Variants in SGMS1 observed in about 807,000 individuals in gnomAD.
SGMS1 encodes the protein phosphatidylcholine:ceramide cholinephosphotransferase 1.
A neutral mutation model predicts 46.2 loss-of-function variants in SGMS1; 13 were observed. The ratio of observed to expected loss-of-function variants is 0.28; its 90% CI spans 0.18 to 0.45. The LOEUF is 0.45. Ranked by LOEUF, SGMS1 falls within the 20% of genes least tolerant of loss-of-function variation. The probability of loss-of-function intolerance (pLI) is 1.00; values close to 1 mark genes in which losing one functional copy is unlikely to be tolerated. For synonymous variants in SGMS1, 203 were observed against 187.8 expected, an observed-to-expected ratio of 1.08 and a Z score of -0.66; for missense variants, 324 against 519.9, an observed-to-expected ratio of 0.62 and a Z score of 3.66.
intron 6 of SGMS1, among the ~76,000 whole-genome samples, chr10:50,348,788 A>G (rs1335074919): frequency 6.6e-6 from 1 of 152,238 alleles, no homozygotes; most frequent in East Asian, 1.9e-4. Context: ...GCTACCACTG[A>G]CTTTCTTCAC....
At chr10:50,544,796 G>A (rs900462058) in intron 2 of SGMS1, among the ~76,000 whole-genome samples, 3 of 152,012 alleles carry the variant, frequency 2.0e-5, no homozygotes, top group African/African-American at 7.3e-5. Context: ...TCAGAAACTC[G>A]GTCCCAACAT....
chr10:50,533,161 T>C (rs547464495), intron 2 of SGMS1, among the ~76,000 whole-genome samples: 11 of 152,224 alleles, frequency 7.2e-5, no homozygotes, highest in African/African-American at 1.4e-4. Flanking sequence ...ATAACTTTTC[T>C]AAAAACAGAA....
intron 6 of SGMS1, among the ~76,000 whole-genome samples, chr10:50,392,370 G>A (rs951357543): frequency 2.6e-5 from 4 of 152,084 alleles, no homozygotes; most frequent in Admixed American, 2.0e-4. Flanking sequence ...TTCTTTATGG[G>A]TTTAAAAAAT....
intron 3 of SGMS1, among the ~76,000 whole-genome samples, chr10:50,486,114 C>A (rs546411882): frequency 9.9e-5 from 15 of 152,124 alleles, no homozygotes; most frequent in African/African-American, 3.4e-4. Flanking sequence ...CTGAGATAGC[C>A]ATATATAGAA....
At chr10:50,431,722 T>C (rs1849405927) in intron 6 of SGMS1, among the ~76,000 whole-genome samples, 2 of 152,184 alleles carry the variant, frequency 1.3e-5, no homozygotes, top group African/African-American at 2.4e-5. Context: ...CAAAGCTGCA[T>C]GGAATGCTTA....
intron 2 of SGMS1, among the ~76,000 whole-genome samples, chr10:50,571,883 C>T (rs1588880619): frequency 6.6e-6 from 1 of 152,210 alleles, no homozygotes; most frequent in African/African-American, 2.4e-5. Context: ...GGTTAAGTAA[C>T]TTTGATACGG....
At chr10:50,340,261 T>C (rs1028155945) in intron 7 of SGMS1, 5 of 152,228 alleles carry the variant, frequency 3.3e-5, no homozygotes, top group Non-Finnish European at 7.3e-5. Flanking sequence ...GCCACACGTA[T>C]CACACATAGG....
chr10:50,358,973 TAGA>T (rs567093689), intron 6 of SGMS1, among the ~76,000 whole-genome samples: 186 of 152,346 alleles, frequency 1.2e-3, no homozygotes, highest in Non-Finnish European at 2.2e-3. Flanking sequence ...GAGAAAATTT[TAGA>T]AGATTACTTT....
At chr10:50,603,204 A>T (rs1197873755) in intron 1 of SGMS1, among the ~76,000 whole-genome samples, 1 of 152,240 alleles carries the variant, frequency 6.6e-6, no homozygotes, top group African/African-American at 2.4e-5. Flanking sequence ...ATCCCCTAAT[A>T]AACCTGTAGG....
At chr10:50,512,189 G>A (rs537035109) in intron 3 of SGMS1, among the ~76,000 whole-genome samples, 164 of 152,184 alleles carry the variant, frequency 1.1e-3, no homozygotes, top group Non-Finnish European at 1.6e-3. Context: ...CAGGGTACTT[G>A]GGCACCTGAG....
intron 1 of SGMS1, among the ~76,000 whole-genome samples, chr10:50,622,874 C>T (rs973595287): frequency 2.0e-5 from 3 of 152,268 alleles, no homozygotes; most frequent in Non-Finnish European, 4.4e-5. Context: ...CGGGTTAAGA[C>T]GGTGGGAGAG....
At chr10:50,585,793 G>A (rs560500297) in intron 2 of SGMS1, among the ~76,000 whole-genome samples, 1 of 152,320 alleles carries the variant, frequency 6.6e-6, no homozygotes, top group African/African-American at 2.4e-5. Flanking sequence ...AACCATATCT[G>A]ATTTTCACCA....
intron 5 of SGMS1, among the ~76,000 whole-genome samples, chr10:50,437,639 A>G (rs929977713): frequency 2.6e-5 from 4 of 152,220 alleles, no homozygotes; most frequent in Non-Finnish European, 4.4e-5. Flanking sequence ...AAGATAACAC[A>G]AGAGTTACTG....
At chr10:50,478,410 C>T (rs1301925664) in intron 3 of SGMS1, among the ~76,000 whole-genome samples, 2 of 152,160 alleles carry the variant, frequency 1.3e-5, no homozygotes, top group African/African-American at 4.8e-5. Flanking sequence ...ATTTCTAAAT[C>T]CTTAAAACCT....
intron 3 of SGMS1, among the ~76,000 whole-genome samples, chr10:50,519,630 C>CT (rs1301626849): frequency 6.6e-6 from 1 of 152,174 alleles, no homozygotes; most frequent in African/African-American, 2.4e-5. Context: ...GAGCTGGCCT[C>CT]TTTAAGTGTG....
At chr10:50,540,936 C>A (rs1440702184) in intron 2 of SGMS1, among the ~76,000 whole-genome samples, 5 of 152,000 alleles carry the variant, frequency 3.3e-5, no homozygotes, top group African/African-American at 1.2e-4. Context: ...GGTGACTGGA[C>A]CAGGAGGGTG....
intron 6 of SGMS1, among the ~76,000 whole-genome samples, chr10:50,391,156 T>C (rs549506637): frequency 1.3e-5 from 2 of 152,306 alleles, no homozygotes; most frequent in South Asian, 4.1e-4. Flanking sequence ...CACATTTCCA[T>C]TTCAAAACCA....
chr10:50,428,958 T>C (rs1177916168), intron 6 of SGMS1, among the ~76,000 whole-genome samples: 2 of 152,194 alleles, frequency 1.3e-5, no homozygotes, highest in Admixed American at 6.5e-5. Context: ...TAGCCTAAAG[T>C]TGGGTAAAAT....
At chr10:50,332,867 C>T (rs1047817165) in intron 7 of SGMS1, among the ~76,000 whole-genome samples, 8 of 152,060 alleles carry the variant, frequency 5.3e-5, no homozygotes, top group Non-Finnish European at 1.0e-4. Flanking sequence ...CTCAAATGAT[C>T]CTCCTGCCTC....
Sources: gnomAD v4.1 joint callset for allele counts (sites outside exome capture counted in the v4.1 genomes callset) on GRCh38, gnomAD v4.1.1 for gene constraint, MANE v1.5 for transcripts, NCBI Gene and HGNC (gene_info 2026-07-23, HGNC 2026-07-21) for gene names.